The following WDR12 variants were observed in gnomAD, a reference collection of about 807,000 sequenced individuals.
WDR12 encodes ribosome biogenesis protein WDR12.
In WDR12, 42 loss-of-function variants were observed where a neutral mutation model predicts 64.3. The observed-to-expected ratio is 0.65, with a 90% CI of 0.51 to 0.84. The LOEUF is 0.84. Ranked by LOEUF, WDR12 falls within the 40% of genes least tolerant of loss-of-function variation. The pLI is 0.00. For synonymous variants in WDR12, 158 were observed against 173.3 expected (o/e 0.91, Z 0.70); for missense variants, 469 against 494.6 (o/e 0.95, Z 0.49).
In WDR12 at chr2:202,892,426, A is replaced by T. The variant is rs558390532; in HGVS notation, c.741+191T>A. On this transcript the variant is annotated intron_variant, in intron 8 of 12. Coordinates refer to ENST00000261015, the MANE Select transcript of WDR12 (RefSeq NM_018256.4). ...TGGCTCAATGCCACTACATTCAAAG[A>T]TACAAATAAATGTAGCAACAATACT... Among the ~76,000 whole-genome samples, 7 of 152,376 alleles carry T rather than the reference A, an allele frequency of 4.6e-5. 1 individual carries two copies. In the South Asian group the frequency reaches 1.4e-3, roughly 32 times the overall value.
In WDR12 at chr2:202,896,079, C is replaced by G. The variant is rs202004829; in HGVS notation, c.595G>C (p.Gly199Arg). The G allele has an allele frequency of 1.2e-6, 2 of 1,612,006 alleles. No individual in the cohort carries two copies. Among genetic ancestry groups the G allele is most frequent in the African/African-American group, 2.7e-5 (2 of 74,898 alleles). ...AGSVDSIAVD[G>R]SGTKFCSGSW... The stretch of plus-strand genomic sequence containing the variant: ...TAGCTACTTACTTTAGTTCCTGAGC[C>G]ATCAACAGCTATAGAATCTACACTT... Residue 199 changes from glycine (G) to arginine (R), a missense_variant, in exon 6 of 13, where the codon GGC becomes CGC. Physicochemically the swap from Gly to Arg is moderately radical, Grantham distance 125. Coordinates refer to ENST00000261015, the MANE Select transcript of WDR12 (RefSeq NM_018256.4).
chr2:202,894,843 T>C (rs1183584126), intron 6 of WDR12: 2 of 417,512 alleles, frequency 4.8e-6, no homozygotes, highest in Non-Finnish European at 8.6e-6. Context: ...AAAGCCAATC[T>C]GAAGTGAGAG....
chr2:202,907,904 G>C lies in WDR12; in HGVS notation c.97C>G (p.Leu33Val). The change falls in exon 2 of 13, where the codon CTT becomes GTT. Residue 33 changes from leucine (L) to valine (V), a missense_variant. By Grantham distance (32) the Leu-to-Val change is conservative. Coordinates refer to ENST00000261015, the MANE Select transcript of WDR12 (RefSeq NM_018256.4). ...AGTAGTTTATTGATGATGTTACTAA[G>C]GTCGGCAATTTCAGAGGCAGCAGGG... ...SIPAASEIAD[L>V]SNIINKLLKD... 6.2e-7 allele frequency: 1 copy of C among 1,614,008 alleles called. No homozygotes were observed. The highest frequency in any genetic ancestry group is 1.3e-5 in the African/African-American group (1 of 75,030).
intron 2 of WDR12, among the ~76,000 whole-genome samples, chr2:202,903,043 C>T (rs769230912): frequency 6.8e-4 from 103 of 152,116 alleles, no homozygotes; most frequent in Non-Finnish European, 1.3e-3. Context: ...CGTGCCACTG[C>T]ACTCCAGCCT....
intron 2 of WDR12, among the ~76,000 whole-genome samples, chr2:202,903,073 C>T (rs1016561944): frequency 2.3e-4 from 35 of 151,944 alleles, no homozygotes; most frequent in Admixed American, 7.9e-4. Flanking sequence ...AGCAAGACTC[C>T]GTCTCAAAAA....
Position 202,892,624 on chromosome 2 carries a change from A to G in WDR12, c.734T>C (p.Leu245Pro), listed in dbSNP as rs758751084. The change falls in exon 8 of 13, where the codon CTA (leucine) becomes CCA (proline). Residue 245 changes from leucine (L) to proline (P), a missense_variant. Leu to Pro is a moderately conservative substitution (Grantham distance 98). Coordinates refer to ENST00000261015, the MANE Select transcript of WDR12 (RefSeq NM_018256.4). ...GTTCTCACAAATACTGACCCTTGTTAGTCCCAACTGTTCTGTCTTCTGTTT... is the reference window on the plus strand; with the variant it reads ...GTTCTCACAAATACTGACCCTTGTTGGTCCCAACTGTTCTGTCTTCTGTTT... ...RKKQKTEQLG[L>P]TRTPIVTLSG... is the part of the protein sequence containing the mutation. 1.2e-6 allele frequency: 2 copies of G among 1,612,276 alleles called. No homozygotes were observed. The highest frequency in any genetic ancestry group is 2.2e-5 in the East Asian group (1 of 44,746).
chr2:202,900,122 G>T (rs1688322766), intron 3 of WDR12, among the ~76,000 whole-genome samples: 1 of 152,114 alleles, frequency 6.6e-6, no homozygotes, highest in Admixed American at 6.6e-5. Context: ...CTAAGATCAG[G>T]AGTTCAAGAT....
chr2:202,898,941 G>A (rs1334078190), intron 4 of WDR12, among the ~76,000 whole-genome samples: 3 of 109,300 alleles, frequency 2.7e-5, no homozygotes, highest in African/African-American at 3.9e-5. Context: ...GAGAGACCCC[G>A]TTTAAAAAAA....
intron 8 of WDR12, among the ~76,000 whole-genome samples, chr2:202,888,795 C>T (rs1040967305): frequency 1.3e-5 from 2 of 152,160 alleles, no homozygotes; most frequent in African/African-American, 4.8e-5. Context: ...TCACAGCAGC[C>T]TTGACTTCCT....
Position 202,901,044 on chromosome 2 carries a change from T to G in WDR12, c.212A>C (p.Glu71Ala). The G allele has an allele frequency of 6.3e-7, 1 of 1,593,310 alleles. No homozygotes were observed. The highest frequency in any genetic ancestry group is 8.6e-7 in the Non-Finnish European group (1 of 1,165,764). ...FLRMPLDKHM[E>A]MENISSEEVV... ...ACTTACTGATGAGATGTTCTCCATT[T>G]CCATGTGTTTGTCCAAGGGCATTCG... Residue 71 changes from glutamate (E) to alanine (A), a missense_variant, in exon 3 of 13, where the codon GAA becomes GCA. Physicochemically the swap from Glu to Ala is moderately radical, Grantham distance 107. Coordinates refer to ENST00000261015, the MANE Select transcript of WDR12 (RefSeq NM_018256.4).
At position 202,882,301 on chromosome 2, in the gene WDR12, C is replaced by T. The variant is rs185375054; in HGVS notation, c.1194+410G>A. On this transcript the variant is annotated intron_variant, in intron 12 of 12. Coordinates refer to ENST00000261015, the MANE Select transcript of WDR12 (RefSeq NM_018256.4). ...ATAAATAATATTAAGTGAAATAATA[C>T]AGAATTATAAATATCAAATATATTG... Among the ~76,000 whole-genome samples the T allele has an allele frequency of 3.3e-5, 5 of 151,646 alleles. No individual in the cohort carries two copies. In the East Asian group the frequency reaches 9.7e-4, roughly 29 times the overall value.
chr2:202,877,010 G>A lies in WDR12; in HGVS notation c.*3850C>T, dbSNP rs2105900425. The A allele has an allele frequency of 6.6e-6, 1 of 151,882 alleles. No homozygotes were observed. The highest frequency in any genetic ancestry group is 2.1e-4 in the South Asian group (1 of 4,822). 9.4% of individuals were successfully genotyped at this position (151,882 alleles called of 1,614,324 possible). On this transcript the variant is annotated 3_prime_UTR_variant, in exon 13 of 13. Transcript: ENST00000261015. ...TTATATTTGTTATATATAGTAAACTGTTACCTTTTTTTCAAAACTACGATA... is the reference window on the plus strand; with the variant it reads ...TTATATTTGTTATATATAGTAAACTATTACCTTTTTTTCAAAACTACGATA...
At chr2:202,909,132 T>C (rs1688517963) in intron 1 of WDR12, among the ~76,000 whole-genome samples, 1 of 152,180 alleles carries the variant, frequency 6.6e-6, no homozygotes, top group African/African-American at 2.4e-5. Context: ...AGTCTGGCAG[T>C]TCCTCAAAAA....
chr2:202,883,454 G>A (rs1443075881), intron 11 of WDR12, 155 bp downstream of exon 11: 3 of 974,750 alleles, frequency 3.1e-6, no homozygotes, highest in Non-Finnish European at 4.3e-6. Flanking sequence ...TTTTGATCCT[G>A]GCTTTTCTTT....
chr2:202,881,912 C>A (rs1687954839), intron 12 of WDR12, among the ~76,000 whole-genome samples: 2 of 151,900 alleles, frequency 1.3e-5, no homozygotes, highest in African/African-American at 4.8e-5. Flanking sequence ...AAAAAATGCT[C>A]CAAAATTTCA....
chr2:202,900,344 A>G (rs1258346481), intron 3 of WDR12, among the ~76,000 whole-genome samples: 3 of 151,860 alleles, frequency 2.0e-5, no homozygotes, highest in East Asian at 1.9e-4. Flanking sequence ...AAAAAAAAAA[A>G]AAGAAGATAA....
intron 7 of WDR12, 69 bp downstream of exon 7, chr2:202,894,512 A>T: frequency 7.2e-7 from 1 of 1,387,454 alleles, no homozygotes; most frequent in Non-Finnish European, 9.9e-7. Context: ...GTAAGCCACC[A>T]TATAGCCTCC....
Position 202,907,889 on chromosome 2 carries a change from T to C in WDR12, c.112A>G (p.Asn38Asp), listed in dbSNP as rs776609047. 6.2e-7 allele frequency: 1 copy of C among 1,614,048 alleles called. No individual in the cohort carries two copies. Among genetic ancestry groups the C allele is most frequent in the Non-Finnish European group, 8.5e-7 (1 of 1,179,938 alleles). The change falls in exon 2 of 13, where the codon AAT becomes GAT. Residue 38 changes from asparagine (N) to aspartate (D), a missense_variant. Transcript: ENST00000261015. The part of the protein sequence containing the change: ...SEIADLSNII[N>D]KLLKDKNEFH... ...CCATTTTTGTCCTTTAGTAGTTTATTGATGATGTTACTAAGGTCGGCAATT... is the reference window on the plus strand; with the variant it reads ...CCATTTTTGTCCTTTAGTAGTTTATCGATGATGTTACTAAGGTCGGCAATT...
intron 6 of WDR12, 138 bp downstream of exon 6, chr2:202,895,927 T>A: frequency 1.0e-6 from 1 of 959,628 alleles, no homozygotes; most frequent in Admixed American, 2.6e-5. Flanking sequence ...GAGTATTTAC[T>A]CTTGCTTTGA....
Sources: allele counts gnomAD v4.1 joint callset (sites outside exome capture counted in the v4.1 genomes callset), GRCh38; gene constraint gnomAD v4.1.1; transcripts MANE v1.5; gene names NCBI Gene and HGNC (gene_info 2026-07-23, HGNC 2026-07-21).